The following RHEX variants were observed in gnomAD, a reference collection of about 807,000 sequenced individuals.
The protein encoded by RHEX is regulator of hemoglobinization and erythroid cell expansion.
RHEX carries 18 observed loss-of-function variants against 20.1 expected under a neutral mutation model. The observed-to-expected ratio is 0.90, with a 90% confidence interval of 0.62 to 1.33. The LOEUF (loss-of-function observed/expected upper bound fraction) is 1.33, where lower values mean the gene tolerates loss of function less well. Among genes scored for constraint, RHEX ranks in the 40% most tolerant of loss-of-function variants. The pLI is 0.00. For missense variants in RHEX, 192 were observed against 214.3 expected (o/e 0.90, Z 0.65); for synonymous variants, 87 against 77.1 (o/e 1.13, Z -0.67).
At chr1:206,099,915 C>G (rs1663154672) in intron 4 of RHEX, 117 bp downstream of exon 4, 1 of 889,842 alleles carries the variant, frequency 1.1e-6, no homozygotes, top group African/African-American at 1.7e-5. Flanking sequence ...GGATTCCTCA[C>G]AGCCACATCA....
At chr1:206,068,260 A>G (rs1662466558) in intron 1 of RHEX, among the ~76,000 whole-genome samples, 2 of 152,148 alleles carry the variant, frequency 1.3e-5, no homozygotes, top group Admixed American at 1.3e-4. Context: ...AAATAAGGAG[A>G]GGAAAGCAAA....
At chr1:206,070,852 C>T (rs1662511802) in intron 1 of RHEX, among the ~76,000 whole-genome samples, 1 of 152,152 alleles carries the variant, frequency 6.6e-6, no homozygotes, top group Non-Finnish European at 1.5e-5. Flanking sequence ...TTACTGTGTA[C>T]AACACTTGGC....
At chr1:206,071,132 C>G (rs1176501303) in intron 1 of RHEX, among the ~76,000 whole-genome samples, 2 of 152,162 alleles carry the variant, frequency 1.3e-5, no homozygotes, top group African/African-American at 2.4e-5. Flanking sequence ...AACAGTGCAG[C>G]CTTCAGTCTG....
At chr1:206,080,394 G>A in intron 1 of RHEX, 1 of 152,290 alleles carries the variant, frequency 6.6e-6, no homozygotes, top group East Asian at 1.9e-4. Flanking sequence ...AGAGAAAACA[G>A]TTATCCTACA....
At chr1:206,086,838 G>A (rs1553286457) in intron 1 of RHEX, among the ~76,000 whole-genome samples, 2 of 151,928 alleles carry the variant, frequency 1.3e-5, no homozygotes, top group African/African-American at 4.8e-5. Context: ...GCAAGATCCT[G>A]TCTCTCAAAA....
At chr1:206,068,005 G>T (rs894814991) in intron 1 of RHEX, among the ~76,000 whole-genome samples, 1 of 152,174 alleles carries the variant, frequency 6.6e-6, no homozygotes, top group Non-Finnish European at 1.5e-5. Flanking sequence ...CTGGAGTGGG[G>T]AGGAGAAAGT....
At chr1:206,099,244 G>A (rs183362498) in intron 3 of RHEX, among the ~76,000 whole-genome samples, 215 of 152,208 alleles carry the variant, frequency 1.4e-3, no homozygotes, top group African/African-American at 5.1e-3. Flanking sequence ...GGATCTTTCT[G>A]AAAGGTTTGC....
intron 1 of RHEX, among the ~76,000 whole-genome samples, chr1:206,066,732 T>C (rs1238447975): frequency 1.3e-5 from 2 of 152,238 alleles, no homozygotes; most frequent in African/African-American, 4.8e-5. Context: ...TGAGACTGGC[T>C]GTACATACAT....
chr1:206,057,510 A>G lies in RHEX; in HGVS notation c.-97+4245A>G, dbSNP rs564759211. On this transcript the variant is annotated intron_variant, in intron 1 of 5. Coordinates refer to ENST00000331555, the MANE Select transcript of RHEX (RefSeq NM_001007544.4). Reference sequence around the variant, plus strand: ...GTTCCAATTACACAGAAAAAAATCCATTCAGTAAATTTCCAAAGTTGCAGA... The same window carrying G: ...GTTCCAATTACACAGAAAAAAATCCGTTCAGTAAATTTCCAAAGTTGCAGA... 3.9e-5 allele frequency among the ~76,000 whole-genome samples: 6 copies of G among 152,408 alleles called. No homozygotes were observed. In the South Asian group the frequency reaches 1.2e-3, roughly 32 times the overall value.
At chr1:206,099,279 G>A (rs1221107530) in intron 3 of RHEX, among the ~76,000 whole-genome samples, 1 of 151,988 alleles carries the variant, frequency 6.6e-6, no homozygotes, top group Admixed American at 6.6e-5. Flanking sequence ...TGTTCAACAG[G>A]CGCTGATTCA....
At chr1:206,059,952 C>T (rs534672848) in intron 1 of RHEX, among the ~76,000 whole-genome samples, 4 of 152,282 alleles carry the variant, frequency 2.6e-5, no homozygotes, top group African/African-American at 9.6e-5. Flanking sequence ...CACATGCCCT[C>T]CCCCAGGTAC....
chr1:206,097,705 G>C (rs1553287858), intron 1 of RHEX, 28 bp from the exon 2 acceptor site: 1 of 1,508,142 alleles, frequency 6.6e-7, no homozygotes, highest in Non-Finnish European at 9.2e-7. Context: ...GAGCCCTGGA[G>C]TCCTGACCAG....
rs1041534719 is a variant in RHEX, at chr1:206,067,282, G to A, written c.-97+14017G>A. On this transcript the variant is annotated intron_variant, in intron 1 of 5. Transcript: ENST00000331555. This position sits in a 1 kb window ranked among gnomAD's most constrained non-coding sequence, Gnocchi z 4.6. ...CAGATTTCATTCTGGTTCCACAGGG[G>A]ACTCCAGAACGTGATTCCCGGTCTC... is the stretch of plus-strand genomic sequence containing the variant. Among the ~76,000 whole-genome samples the A allele has an allele frequency of 6.6e-6, 1 of 152,128 alleles. No homozygotes were observed. The highest frequency in any genetic ancestry group is 1.5e-5 in the Non-Finnish European group (1 of 68,016).
rs1326599130 is a variant in RHEX, at chr1:206,067,526, C to G, written c.-97+14261C>G. ...TAGAAGAAGAAATTTTCATTTAAAA[C>G]CAAAGCTGATGATGTGGATTCCTAA... On this transcript the variant is annotated intron_variant, in intron 1 of 5. Coordinates refer to ENST00000331555, the MANE Select transcript of RHEX (RefSeq NM_001007544.4). The surrounding 1 kb of genome is among the most constrained non-coding windows in gnomAD (Gnocchi z 4.6). Among the ~76,000 whole-genome samples, 4 of 152,140 alleles carry G rather than the reference C, an allele frequency of 2.6e-5. No homozygotes were observed. In the East Asian group the frequency reaches 7.7e-4, roughly 29 times the overall value.
chr1:206,084,734 C>T (rs781960970), intron 1 of RHEX, among the ~76,000 whole-genome samples: 42 of 152,114 alleles, frequency 2.8e-4, no homozygotes, highest in Non-Finnish European at 4.9e-4. Flanking sequence ...TGGCACACAA[C>T]GCAAAATGAA....
chr1:206,082,393 C>A (rs1156333261), intron 1 of RHEX, among the ~76,000 whole-genome samples: 1 of 151,902 alleles, frequency 6.6e-6, no homozygotes, highest in Non-Finnish European at 1.5e-5. Context: ...TGGCACTCAC[C>A]TGTAATGTCA....
At chr1:206,072,958 C>T (rs894312795) in intron 1 of RHEX, among the ~76,000 whole-genome samples, 11 of 151,780 alleles carry the variant, frequency 7.2e-5, no homozygotes, top group African/African-American at 2.2e-4. Flanking sequence ...CCGCCTCAAC[C>T]CCCCAAGTAG....
Position 206,053,836 on chromosome 1 carries a change from G to A in RHEX, c.-97+571G>A, listed in dbSNP as rs141170506. ...TTTTATACCCCCTTGCCCCGCCAAC[G>A]TAGTTAAGAGAACAGCAGCATAAGC... On this transcript the variant is annotated intron_variant, in intron 1 of 5. Coordinates refer to ENST00000331555, the MANE Select transcript of RHEX (RefSeq NM_001007544.4). Among the ~76,000 whole-genome samples, 859 of 152,036 alleles carry A rather than the reference G, an allele frequency of 5.6e-3. 2 individuals are homozygous for A. The highest frequency in any genetic ancestry group is 0.038 in the South Asian group (184 of 4,780).
intron 1 of RHEX, among the ~76,000 whole-genome samples, chr1:206,079,168 G>A (rs1181695120): frequency 1.3e-5 from 2 of 152,064 alleles, no homozygotes; most frequent in South Asian, 4.1e-4. Context: ...GGCTGGTGCT[G>A]AAAAATAGTA....
Sources: gnomAD v4.1 joint callset for allele counts (sites outside exome capture counted in the v4.1 genomes callset) on GRCh38, gnomAD v4.1.1 for gene constraint, Gnocchi (gnomAD v3.1) non-coding constraint, MANE v1.5 for transcripts, NCBI Gene and HGNC (gene_info 2026-07-23, HGNC 2026-07-21) for gene names.